The following JAKMIP1 variants were observed in gnomAD, a reference collection of about 807,000 sequenced individuals.
JAKMIP1 encodes janus kinase and microtubule-interacting protein 1.
In JAKMIP1, 33 loss-of-function variants were observed where a neutral mutation model predicts 113.0. That is an observed-to-expected ratio of 0.29 (90% CI 0.22 to 0.39). The LOEUF (loss-of-function observed/expected upper bound fraction) is 0.39. Ranked by LOEUF, JAKMIP1 falls within the 10% of genes least tolerant of loss-of-function variation. The probability of loss-of-function intolerance (pLI) is 1.00; values close to 1 mark genes in which losing one functional copy is unlikely to be tolerated. For synonymous variants in JAKMIP1, 480 were observed against 459.9 expected (o/e 1.04, Z -0.56); for missense variants, 813 against 1,080.5 (o/e 0.75, Z 3.47).
chr4:6,084,634 G>A lies in JAKMIP1; in HGVS notation c.954+212C>T, dbSNP rs534704628. ...TGCTTCTCATGGAAGTTCTCCAGTT[G>A]TTTGCTAAAGATAAGTTCCTACAAA... On this transcript the variant is annotated intron_variant, in intron 5 of 20. Transcript: ENST00000409021. Among the ~76,000 whole-genome samples, 14 of 152,228 alleles carry A rather than the reference G, an allele frequency of 9.2e-5. 1 individual carries two copies. Among genetic ancestry groups the A allele is most frequent in the African/African-American group, 3.4e-4 (14 of 41,538 alleles).
Position 6,105,566 on chromosome 4 carries a change from C to T in JAKMIP1, c.531G>A (p.Lys177=), listed in dbSNP as rs899332046. 1.2e-6 allele frequency: 2 copies of T among 1,601,860 alleles called. No homozygotes were observed. The highest frequency in any genetic ancestry group is 1.3e-5 in the African/African-American group (1 of 74,824). ...EALSNCMQAD[K]TKAADLRAAY... ...CGGCACGCAGGTCGGCTGCCTTGGT[C>T]TTGTCAGCCTGCATGCAGTTACTGA... The change falls in exon 3 of 21, where the codon AAG becomes AAA. Residue 177 remains lysine (K), a synonymous_variant. Coordinates refer to ENST00000409021, the MANE Select transcript of JAKMIP1 (RefSeq NM_001099433.2).
chr4:6,183,395 C>T lies in JAKMIP1; in HGVS notation c.-148+16858G>A, dbSNP rs1726265786. On this transcript the variant is annotated intron_variant, in intron 1 of 20. Transcript: ENST00000409021. The surrounding 1 kb of genome is among the most constrained non-coding windows in gnomAD (Gnocchi z 5.3). ...TTGGGAGGCCGAGGCAGGAGAGTCG[C>T]TTGAACCTGGGAGGCAGAGGTTACA... Among the ~76,000 whole-genome samples the T allele has an allele frequency of 6.6e-6, 1 of 151,772 alleles. No individual in the cohort carries two copies. The highest frequency in any genetic ancestry group is 2.1e-4 in the South Asian group (1 of 4,800).
Position 6,081,418 on chromosome 4 carries a change from C to A in JAKMIP1, c.1101+191G>T, listed in dbSNP as rs1720518974. Among the ~76,000 whole-genome samples the A allele has an allele frequency of 6.6e-6, 1 of 152,186 alleles. No individual in the cohort carries two copies. The highest frequency in any genetic ancestry group is 1.5e-5 in the Non-Finnish European group (1 of 68,032). On this transcript the variant is annotated intron_variant, in intron 6 of 20. Coordinates refer to ENST00000409021, the MANE Select transcript of JAKMIP1 (RefSeq NM_001099433.2). This position sits in a 1 kb window ranked among gnomAD's most constrained non-coding sequence, Gnocchi z 4.6. The stretch of plus-strand genomic sequence containing the variant: ...GTCTGACTCCCTCTGGGCACAAACA[C>A]CCACAGCACAGTGAATGTGAGACAG...
chr4:6,064,291 C>A lies in JAKMIP1; in HGVS notation c.1431+589G>T, dbSNP rs146685517. On this transcript the variant is annotated intron_variant, in intron 9 of 20. Transcript: ENST00000409021. This position sits in a 1 kb window ranked among gnomAD's most constrained non-coding sequence, Gnocchi z 4.3. ...TTCACCTGGGGAAGGTGAGTGAGAA[C>A]GAAGCTGGTCTTTGCCCCCTCACGA... 5.3e-5 allele frequency among the ~76,000 whole-genome samples: 8 copies of A among 152,208 alleles called. No homozygotes were observed. The highest frequency in any genetic ancestry group is 1.9e-4 in the African/African-American group (8 of 41,458).
rs1307450061 is a variant in JAKMIP1, at chr4:6,138,213, A to G, written c.-147-25216T>C. ...CCTGAACACAGATGAAAGCTGGGGT[A>G]CCCCAGAACCCAAGTTAATTTAATT... On this transcript the variant is annotated intron_variant, in intron 1 of 20. Coordinates refer to ENST00000409021, the MANE Select transcript of JAKMIP1 (RefSeq NM_001099433.2). This position sits in a 1 kb window ranked among gnomAD's most constrained non-coding sequence, Gnocchi z 6.0. Among the ~76,000 whole-genome samples the G allele has an allele frequency of 1.3e-5, 2 of 152,116 alleles. No homozygotes were observed. Among genetic ancestry groups the G allele is most frequent in the African/African-American group, 4.8e-5 (2 of 41,420 alleles).
At chr4:6,144,053 G>A (rs199785852) in intron 1 of JAKMIP1, among the ~76,000 whole-genome samples, 1 of 152,178 alleles carries the variant, frequency 6.6e-6, no homozygotes, top group East Asian at 1.9e-4. Flanking sequence ...AGGAGGAGCT[G>A]CATCATGACA....
chr4:6,164,619 T>C (rs1405869487), intron 1 of JAKMIP1, among the ~76,000 whole-genome samples: 1 of 152,204 alleles, frequency 6.6e-6, no homozygotes, highest in African/African-American at 2.4e-5. Flanking sequence ...ATTGAAAACC[T>C]CCTGGAAAAG....
rs987336005 is a variant in JAKMIP1 at position 6,157,929 on chromosome 4, C to T, written c.-148+42324G>A. 4.6e-5 allele frequency among the ~76,000 whole-genome samples: 7 copies of T among 152,242 alleles called. No individual in the cohort carries two copies. Among genetic ancestry groups the T allele is most frequent in the African/African-American group, 1.7e-4 (7 of 41,470 alleles). On this transcript the variant is annotated intron_variant, in intron 1 of 20. Transcript: ENST00000409021. The surrounding 1 kb of genome is among the most constrained non-coding windows in gnomAD (Gnocchi z 4.7). ...TCTTGCTTTGCATCAGCAGCACTAA[C>T]TCCTGATGCAACAGCTTTCTTTCTA... is the stretch of plus-strand genomic sequence containing the variant.
intron 1 of JAKMIP1, among the ~76,000 whole-genome samples, chr4:6,134,974 A>C (rs2108945371): frequency 6.6e-6 from 1 of 152,340 alleles, no homozygotes; most frequent in Admixed American, 6.5e-5. Flanking sequence ...GGGACTCCAC[A>C]CACAAGACAG....
intron 12 of JAKMIP1, among the ~76,000 whole-genome samples, chr4:6,056,125 C>T (rs770025885): frequency 1.5e-4 from 22 of 150,600 alleles, no homozygotes; most frequent in Non-Finnish European, 3.0e-4. Flanking sequence ...CCCATTTCTG[C>T]AGGGTGTCCT....
Position 6,062,516 on chromosome 4 carries a change from A to G in JAKMIP1, c.1432-76T>C, listed in dbSNP as rs1322791224. ...TAAATGATTTATGATTGATTTTAAT[A>G]ATAAACATAAATAAACACTTGCTAT... On this transcript the variant is annotated intron_variant, in intron 9 of 20. Coordinates refer to ENST00000409021, the MANE Select transcript of JAKMIP1 (RefSeq NM_001099433.2). 3.5e-6 allele frequency: 5 copies of G among 1,409,504 alleles called. No homozygotes were observed. The African/African-American group carries it at 4.3e-5, about 12-fold the overall frequency. 87.3% of individuals were successfully genotyped at this position (1,409,504 alleles called of 1,614,324 possible). A position where few individuals can be genotyped will look rare whatever the true frequency, so the allele number is the denominator to read the frequency against.
chr4:6,120,575 C>T (rs534938851), intron 1 of JAKMIP1, among the ~76,000 whole-genome samples: 33 of 152,342 alleles, frequency 2.2e-4, no homozygotes, highest in African/African-American at 7.7e-4. Context: ...TGAGCCCTGC[C>T]GGGCAGCACC....
At position 6,059,862 on chromosome 4, in the gene JAKMIP1, C is replaced by T. The variant is rs1717016650; in HGVS notation, c.1644+562G>A. Among the ~76,000 whole-genome samples the T allele has an allele frequency of 6.6e-6, 1 of 152,146 alleles. No homozygotes were observed. Among genetic ancestry groups the T allele is most frequent in the Admixed American group, 6.5e-5 (1 of 15,278 alleles). ...GATTTCCACCCAGAGCCCTCTCTGG[C>T]TCCCCCACTCCAGGGGACAGGTCTA... On this transcript the variant is annotated intron_variant, in intron 11 of 20. Transcript: ENST00000409021. The surrounding 1 kb of genome is among the most constrained non-coding windows in gnomAD (Gnocchi z 4.8).
intron 20 of JAKMIP1, among the ~76,000 whole-genome samples, chr4:6,028,206 C>T (rs1037796177): frequency 6.6e-6 from 1 of 152,226 alleles, no homozygotes; most frequent in African/African-American, 2.4e-5. Context: ...TCAAGCAATT[C>T]TTAAATCCAA....
intron 8 of JAKMIP1, among the ~76,000 whole-genome samples, chr4:6,077,219 G>A (rs1383880751): frequency 6.6e-6 from 1 of 152,140 alleles, no homozygotes; most frequent in African/African-American, 2.4e-5. Context: ...GTTGGAGTAG[G>A]GTGGACTCCT....
At chr4:6,058,153 G>C (rs1489535438) in intron 11 of JAKMIP1, among the ~76,000 whole-genome samples, 1 of 152,264 alleles carries the variant, frequency 6.6e-6, no homozygotes, top group African/African-American at 2.4e-5. Context: ...TCCTCCAGCA[G>C]GCATGGAGGG....
intron 8 of JAKMIP1, among the ~76,000 whole-genome samples, chr4:6,071,009 A>C (rs1718880980): frequency 6.6e-6 from 1 of 152,260 alleles, no homozygotes; most frequent in Non-Finnish European, 1.5e-5. Flanking sequence ...AAACGTCTGA[A>C]CTTTGACAGA....
In JAKMIP1 at chr4:6,158,315, G is replaced by C. The variant is rs1213521489; in HGVS notation, c.-148+41938C>G. ...GCCCAGAACCTAACATCATAGGGAT[G>C]GTAGTGGGATGGGGTGGTGTCTGCC... On this transcript the variant is annotated intron_variant, in intron 1 of 20. Transcript: ENST00000409021. The surrounding 1 kb of genome is among the most constrained non-coding windows in gnomAD (Gnocchi z 5.3). Among the ~76,000 whole-genome samples the C allele has an allele frequency of 6.6e-6, 1 of 152,204 alleles. No individual in the cohort carries two copies. Among genetic ancestry groups the C allele is most frequent in the Non-Finnish European group, 1.5e-5 (1 of 68,034 alleles).
intron 1 of JAKMIP1, among the ~76,000 whole-genome samples, chr4:6,114,459 G>A (rs1000362116): frequency 6.6e-6 from 1 of 152,176 alleles, no homozygotes; most frequent in East Asian, 1.9e-4. Flanking sequence ...GGGATGGTCT[G>A]GGGTGGGGTC....
Sources: allele counts gnomAD v4.1 joint callset (sites outside exome capture counted in the v4.1 genomes callset), GRCh38; gene constraint gnomAD v4.1.1; non-coding constraint Gnocchi (gnomAD v3.1); transcripts MANE v1.5; gene names NCBI Gene and HGNC (gene_info 2026-07-23, HGNC 2026-07-21).